Variants in RPA3 observed in about 807,000 individuals in gnomAD.
RPA3 encodes the protein replication protein A3.
Under a neutral mutation model 13.7 loss-of-function variants are expected in RPA3, and 24 were observed. That is an observed-to-expected ratio of 1.75 (90% confidence interval 1.27 to 2.46). The LOEUF is 2.46. RPA3 is among the 30% of genes most tolerant of loss of function. The probability of loss-of-function intolerance (pLI) is 0.00; values close to 1 mark genes in which losing one functional copy is unlikely to be tolerated. For synonymous variants in RPA3, 59 were observed against 51.2 expected, an observed-to-expected ratio of 1.15 and a Z score of -0.65; for missense variants, 183 against 151.0, an observed-to-expected ratio of 1.21 and a Z score of -1.11.
intron 4 of RPA3, among the ~76,000 whole-genome samples, chr7:7,680,477 C>T (rs1000325965): frequency 1.3e-5 from 2 of 152,014 alleles, no homozygotes; most frequent in East Asian, 1.9e-4. Flanking sequence ...TAGTGTGATT[C>T]GTCTAATTTT....
intron 2 of RPA3, among the ~76,000 whole-genome samples, chr7:7,697,091 C>G (rs1489819028): frequency 6.6e-6 from 1 of 152,128 alleles, no homozygotes; most frequent in Non-Finnish European, 1.5e-5. Flanking sequence ...GATTTTCAGT[C>G]AGGATAAGTC....
chr7:7,683,601 A>G (rs945000164), intron 4 of RPA3, among the ~76,000 whole-genome samples: 1 of 152,046 alleles, frequency 6.6e-6, no homozygotes, highest in Non-Finnish European at 1.5e-5. Flanking sequence ...ACATGATCCT[A>G]TGAAATGAAA....
At chr7:7,648,406 G>T (rs540508835) in intron 4 of RPA3, among the ~76,000 whole-genome samples, 3 of 152,258 alleles carry the variant, frequency 2.0e-5, no homozygotes, top group African/African-American at 7.2e-5. Flanking sequence ...TGTTCCAGGT[G>T]TGTCTGTCTT....
chr7:7,699,115 AAGTG>A (rs1780393976), intron 2 of RPA3, among the ~76,000 whole-genome samples: 3 of 151,698 alleles, frequency 2.0e-5, no homozygotes, highest in Admixed American at 2.0e-4. Flanking sequence ...TTGGCTTCCA[AAGTG>A]CTAGCATTAT....
intron 2 of RPA3, among the ~76,000 whole-genome samples, chr7:7,714,631 G>A (rs774174131): frequency 2.0e-5 from 3 of 152,064 alleles, no homozygotes; most frequent in African/African-American, 7.2e-5. Flanking sequence ...AACAGTTGGA[G>A]GTTGTGTACA....
chr7:7,713,063 G>A (rs1312753013), intron 2 of RPA3, among the ~76,000 whole-genome samples: 5 of 151,974 alleles, frequency 3.3e-5, no homozygotes, highest in African/African-American at 7.3e-5. Flanking sequence ...CTAGGGCCGC[G>A]CGCGGTGGCT....
intron 1 of RPA3, among the ~76,000 whole-genome samples, chr7:7,716,637 A>G (rs888962073): frequency 4.6e-5 from 7 of 152,242 alleles, no homozygotes; most frequent in Non-Finnish European, 1.5e-5. Context: ...CCATCTGCCT[A>G]GTAAAAGATT....
intron 4 of RPA3, among the ~76,000 whole-genome samples, chr7:7,665,215 C>G (rs981890177): frequency 6.6e-6 from 1 of 152,094 alleles, no homozygotes; most frequent in Admixed American, 6.5e-5. Context: ...AAAAGGGAAG[C>G]CTTGGAGTAA....
intron 2 of RPA3, among the ~76,000 whole-genome samples, chr7:7,705,982 T>G (rs1398033519): frequency 1.3e-5 from 2 of 152,128 alleles, no homozygotes; most frequent in African/African-American, 4.8e-5. Flanking sequence ...TTTAAAAAGG[T>G]ATGTGTACTC....
At position 7,703,705 on chromosome 7, in the gene RPA3, C is replaced by T. The variant is rs147824219; in HGVS notation, c.-1028+11470G>A. 1.6e-3 allele frequency among the ~76,000 whole-genome samples: 248 copies of T among 152,232 alleles called. 1 individual carries two copies. Among genetic ancestry groups the T allele is most frequent in the African/African-American group, 2.5e-3 (103 of 41,530 alleles). On this transcript the variant is annotated intron_variant, in intron 2 of 7. Coordinates refer to ENST00000223129, the MANE Select transcript of RPA3 (RefSeq NM_002947.5). ...CAGACATCTCAGCACTTTGGGAAGC[C>T]GAGACTGGCAGATCGCTTGAGCCCA...
Position 7,668,986 on chromosome 7 carries a change from G to A in RPA3, c.-758+16844C>T, listed in dbSNP as rs548616543. 2.1e-3 allele frequency among the ~76,000 whole-genome samples: 325 copies of A among 152,192 alleles called. 2 individuals carry two copies. Among genetic ancestry groups the A allele is most frequent in the African/African-American group, 6.4e-3 (265 of 41,528 alleles). On this transcript the variant is annotated intron_variant, in intron 4 of 7. Coordinates refer to ENST00000223129, the MANE Select transcript of RPA3 (RefSeq NM_002947.5). ...CCTAATGGACATAGCTTTGGGATGT[G>A]GGAAGAAACTGGAGTACTGGGGAGA...
chr7:7,656,831 GT>G (rs1785355735), intron 4 of RPA3, among the ~76,000 whole-genome samples: 1 of 152,184 alleles, frequency 6.6e-6, no homozygotes. Flanking sequence ...TATATACCCA[GT>G]AATGGGATTG....
At chr7:7,640,011 C>G (rs1316698291) in intron 5 of RPA3, 1 of 375,910 alleles carries the variant, frequency 2.7e-6, no homozygotes, top group African/African-American at 2.1e-5. Flanking sequence ...TCTGAGTAAA[C>G]TAAGAAATCT....
intron 4 of RPA3, among the ~76,000 whole-genome samples, chr7:7,685,524 G>T (rs1479701987): frequency 2.6e-5 from 4 of 152,012 alleles, no homozygotes; most frequent in South Asian, 2.1e-4. Flanking sequence ...GGCCAGGATG[G>T]TCTCCATATC....
intron 2 of RPA3, among the ~76,000 whole-genome samples, chr7:7,702,965 G>T (rs1310244273): frequency 6.6e-6 from 1 of 152,152 alleles, no homozygotes; most frequent in African/African-American, 2.4e-5. Context: ...TCCTGTTGTC[G>T]TGTAAACTTA....
At chr7:7,690,989 AG>A (rs1780160319) in intron 2 of RPA3, among the ~76,000 whole-genome samples, 1 of 152,176 alleles carries the variant, frequency 6.6e-6, no homozygotes, top group South Asian at 2.1e-4. Flanking sequence ...TGCTCCTTCT[AG>A]GTCTCCAAAG....
At chr7:7,660,534 A>G (rs1305241286) in intron 4 of RPA3, among the ~76,000 whole-genome samples, 1 of 152,152 alleles carries the variant, frequency 6.6e-6, no homozygotes, top group East Asian at 1.9e-4. Context: ...TTGTTTGTAA[A>G]GGATTTTATT....
intron 4 of RPA3, among the ~76,000 whole-genome samples, chr7:7,678,232 A>G (rs909421658): frequency 1.4e-5 from 2 of 147,256 alleles, no homozygotes; most frequent in African/African-American, 5.0e-5. Context: ...TTTTCTACAC[A>G]TCCTTGCCAG....
At chr7:7,640,068 C>T (rs1481137274) in intron 5 of RPA3, 2 of 523,296 alleles carry the variant, frequency 3.8e-6, no homozygotes, top group Non-Finnish European at 6.8e-6. Flanking sequence ...TACGTAAGCA[C>T]GGCTAGAACG....
Sources: allele counts gnomAD v4.1 joint callset (sites outside exome capture counted in the v4.1 genomes callset), GRCh38; gene constraint gnomAD v4.1.1; transcripts MANE v1.5; gene names NCBI Gene and HGNC (gene_info 2026-07-23, HGNC 2026-07-21).